The following HCRTR2 variants were observed in gnomAD, a reference collection of about 807,000 sequenced individuals.
The protein encoded by HCRTR2 is hypocretin receptor 2.
In HCRTR2, 22 loss-of-function variants were observed where a neutral mutation model predicts 49.0. That is an observed-to-expected ratio of 0.45 (90% CI 0.32 to 0.64). HCRTR2 has a LOEUF of 0.64. HCRTR2 is among the 30% of genes least tolerant of loss of function. The probability of loss-of-function intolerance (pLI) is 0.04; values close to 1 mark genes in which losing one functional copy is unlikely to be tolerated. For missense variants in HCRTR2, 491 were observed against 559.4 expected, an observed-to-expected ratio of 0.88 and a Z score of 1.23; for synonymous variants, 236 against 205.3, an observed-to-expected ratio of 1.15 and a Z score of -1.28.
At chr6:55,132,497 A>T (rs560982076) in intron 1 of HCRTR2, among the ~76,000 whole-genome samples, 1 of 151,960 alleles carries the variant, frequency 6.6e-6, no homozygotes, top group Non-Finnish European at 1.5e-5. Flanking sequence ...GTACGTTAAC[A>T]GCATTAGATG....
chr6:55,207,993 T>A (rs751529308), intron 1 of HCRTR2, among the ~76,000 whole-genome samples: 2 of 152,186 alleles, frequency 1.3e-5, no homozygotes, highest in Non-Finnish European at 2.9e-5. Flanking sequence ...TTTTAGTATC[T>A]CTTCCTTGGA....
intron 1 of HCRTR2, among the ~76,000 whole-genome samples, chr6:55,214,782 G>A (rs1765759185): frequency 6.6e-6 from 1 of 151,858 alleles, no homozygotes. Flanking sequence ...AATTTGCAGT[G>A]GAAGAATATG....
chr6:55,255,164 C>T lies in HCRTR2; in HGVS notation c.431C>T (p.Thr144Ile). The T allele has an allele frequency of 6.2e-7, 1 of 1,613,972 alleles. No homozygotes were observed. Among genetic ancestry groups the T allele is most frequent in the South Asian group, 1.1e-5 (1 of 91,084 alleles). The change falls in exon 3 of 7, where the codon ACA becomes ATA. Residue 144 changes from threonine (T) to isoleucine (I), a missense_variant. Coordinates refer to ENST00000370862, the MANE Select transcript of HCRTR2 (RefSeq NM_001384272.1). ...GTGTCGGTGTCTGTGTCTGTCCTCA[C>T]ACTGAGCTGTATCGCCTTGGATCGG... ...QTVSVSVSVLTLSCIALDRWY... is the reference protein window; with the variant it reads ...QTVSVSVSVLILSCIALDRWY...
At chr6:55,112,073 G>A (rs1330733076) in intron 1 of HCRTR2, among the ~76,000 whole-genome samples, 4 of 151,894 alleles carry the variant, frequency 2.6e-5, no homozygotes, top group Non-Finnish European at 2.9e-5. Context: ...TGCAGAAAAA[G>A]CATTTGACAA....
At chr6:55,122,396 T>G (rs1226085385) in intron 1 of HCRTR2, among the ~76,000 whole-genome samples, 10 of 152,054 alleles carry the variant, frequency 6.6e-5, no homozygotes, top group Admixed American at 4.6e-4. Context: ...GAATTTTGTT[T>G]ATCTTTTCAA....
At chr6:55,212,065 C>A (rs1317577938) in intron 1 of HCRTR2, among the ~76,000 whole-genome samples, 1 of 152,150 alleles carries the variant, frequency 6.6e-6, no homozygotes, top group Non-Finnish European at 1.5e-5. Flanking sequence ...CACATACATA[C>A]AAAGAAATAC....
At chr6:55,200,543 A>G in intron 1 of HCRTR2, among the ~76,000 whole-genome samples, 1 of 152,138 alleles carries the variant, frequency 6.6e-6, no homozygotes, top group East Asian at 1.9e-4. Flanking sequence ...AATTCTGCTA[A>G]TGGTTGTCTT....
chr6:55,207,025 T>G (rs1419308101), intron 1 of HCRTR2, among the ~76,000 whole-genome samples: 3 of 152,120 alleles, frequency 2.0e-5, no homozygotes, highest in African/African-American at 7.2e-5. Context: ...ATTGGTTTGC[T>G]TTGCTATAAA....
chr6:55,235,652 A>T (rs931913726), intron 1 of HCRTR2, among the ~76,000 whole-genome samples: 1 of 152,056 alleles, frequency 6.6e-6, no homozygotes, highest in Admixed American at 6.6e-5. Context: ...TTATGTTTGT[A>T]TATGATGTGA....
At chr6:55,276,830 T>A (rs1294186858) in intron 4 of HCRTR2, among the ~76,000 whole-genome samples, 1 of 152,142 alleles carries the variant, frequency 6.6e-6, no homozygotes, top group African/African-American at 2.4e-5. Flanking sequence ...CAACAAAAAA[T>A]ACTTGATTTT....
At chr6:55,255,494 C>A in intron 3 of HCRTR2, 115 bp downstream of exon 3, 1 of 1,270,298 alleles carries the variant, frequency 7.9e-7, no homozygotes, top group Non-Finnish European at 1.1e-6. Context: ...TTTGTGAATA[C>A]AGTTTTGCAA....
intron 1 of HCRTR2, among the ~76,000 whole-genome samples, chr6:55,132,742 T>G (rs1764375973): frequency 9.8e-6 from 1 of 101,902 alleles, no homozygotes; most frequent in South Asian, 3.8e-4. Flanking sequence ...CCTCTCCCTC[T>G]CTCTCTCTCT....
intron 1 of HCRTR2, among the ~76,000 whole-genome samples, chr6:55,178,843 T>A (rs1207549002): frequency 6.6e-6 from 1 of 152,230 alleles, no homozygotes; most frequent in Admixed American, 6.5e-5. Flanking sequence ...GCTTTCTCTC[T>A]CAACTTAAAT....
intron 1 of HCRTR2, among the ~76,000 whole-genome samples, chr6:55,144,288 T>G (rs537194452): frequency 2.0e-5 from 3 of 151,262 alleles, no homozygotes; most frequent in Non-Finnish European, 4.4e-5. Context: ...AATTTTGTAT[T>G]TTTTTTTAGT....
rs77785536 is a variant in HCRTR2, at chr6:55,225,547, T to C, written c.224-23092T>C. ...TGCTTCTTGAGAGATTCTAATATAATCTGTGCCAGACCTGCACAAGGCATA... is the reference window on the plus strand; with the variant it reads ...TGCTTCTTGAGAGATTCTAATATAACCTGTGCCAGACCTGCACAAGGCATA... On this transcript the variant is annotated intron_variant, in intron 1 of 6. Coordinates refer to ENST00000370862, the MANE Select transcript of HCRTR2 (RefSeq NM_001384272.1). 6.8e-3 allele frequency among the ~76,000 whole-genome samples: 1,030 copies of C among 152,290 alleles called. 14 individuals carry two copies. Among genetic ancestry groups the C allele is most frequent in the African/African-American group, 0.023 (961 of 41,562 alleles).
At chr6:55,129,815 T>A (rs73432930) in intron 1 of HCRTR2, among the ~76,000 whole-genome samples, 5,611 of 152,058 alleles carry the variant, frequency 0.037, 343 homozygotes, top group African/African-American at 0.13. Context: ...TATTCTTCAA[T>A]CATTTCACTT....
At chr6:55,237,018 T>G (rs1766227480) in intron 1 of HCRTR2, among the ~76,000 whole-genome samples, 1 of 152,154 alleles carries the variant, frequency 6.6e-6, no homozygotes, top group Non-Finnish European at 1.5e-5. Context: ...TCTCTGTTCT[T>G]TAGCTTGGAT....
upstream of HCRTR2, among the ~76,000 whole-genome samples, chr6:55,170,938 T>C (rs997120689): frequency 6.6e-6 from 1 of 152,090 alleles, no homozygotes; most frequent in African/African-American, 2.4e-5. Flanking sequence ...TGCATAGTAT[T>C]CCATGGTGTA....
intron 1 of HCRTR2, among the ~76,000 whole-genome samples, chr6:55,160,999 G>C (rs1345153504): frequency 6.6e-6 from 1 of 152,060 alleles, no homozygotes. Context: ...GACATCTATA[G>C]GACTCTCCAC....
Sources: allele counts gnomAD v4.1 joint callset (sites outside exome capture counted in the v4.1 genomes callset), GRCh38; gene constraint gnomAD v4.1.1; transcripts MANE v1.5; gene names NCBI Gene and HGNC (gene_info 2026-07-23, HGNC 2026-07-21).